GAB1: variants seen among roughly 807,000 people sequenced by gnomAD.
GAB1 encodes the protein GRB2-associated-binding protein 1.
Under a neutral mutation model 66.5 loss-of-function variants are expected in GAB1, and 19 were observed. The observed-to-expected ratio is 0.29, with a 90% CI of 0.20 to 0.42. The LOEUF is 0.42. Ranked by LOEUF, GAB1 falls within the 10% of genes least tolerant of loss-of-function variation. The pLI is 1.00. For missense variants in GAB1, 732 were observed against 858.5 expected (o/e 0.85, Z 1.84); for synonymous variants, 294 against 301.4 (o/e 0.98, Z 0.25).
At chr4:143,356,828 T>C (rs986440816) in intron 1 of GAB1, among the ~76,000 whole-genome samples, 2 of 152,166 alleles carry the variant, frequency 1.3e-5, no homozygotes, top group Non-Finnish European at 2.9e-5. Context: ...GTGCAGAGAT[T>C]TGAGCTTGTA....
At chr4:143,451,050 G>A (rs1450527881) in intron 6 of GAB1, among the ~76,000 whole-genome samples, 1 of 152,134 alleles carries the variant, frequency 6.6e-6, no homozygotes, top group Non-Finnish European at 1.5e-5. Flanking sequence ...CCCTGAAGAA[G>A]CTCACCGTCC....
chr4:143,467,212 T>C (rs549507648), intron 9 of GAB1, among the ~76,000 whole-genome samples: 13 of 152,366 alleles, frequency 8.5e-5, no homozygotes, highest in African/African-American at 3.1e-4. Flanking sequence ...ACTATCCCAC[T>C]ACTGTCTTGC....
In GAB1 at chr4:143,470,812, A is replaced by G. The variant is rs1001538756; in HGVS notation, c.*1623A>G. 2 of 152,240 alleles carry G rather than the reference A, an allele frequency of 1.3e-5. No individual in the cohort carries two copies. Among genetic ancestry groups the G allele is most frequent in the Non-Finnish European group, 2.9e-5 (2 of 68,046 alleles). 9.4% of individuals were successfully genotyped at this position (152,240 alleles called of 1,614,324 possible). The stretch of plus-strand genomic sequence containing the variant: ...TTGGCCATAGTACTGTGCCTAATCA[A>G]TGTAATAGGTTTATTTTCCCAATCC... On this transcript the variant is annotated 3_prime_UTR_variant, in exon 10 of 10. Transcript: ENST00000262994.
At chr4:143,342,751 T>G (rs1331330154) in intron 1 of GAB1, among the ~76,000 whole-genome samples, 2 of 151,438 alleles carry the variant, frequency 1.3e-5, no homozygotes, top group Non-Finnish European at 2.9e-5. Context: ...TTAGTAGAGA[T>G]GGGGTTTTGC....
chr4:143,451,210 T>C (rs1388070553), intron 6 of GAB1, among the ~76,000 whole-genome samples: 2 of 152,026 alleles, frequency 1.3e-5, no homozygotes, highest in Non-Finnish European at 2.9e-5. Flanking sequence ...TGAGTGGCAA[T>C]TAAATGATGG....
chr4:143,345,292 T>C (rs1728952231), intron 1 of GAB1, among the ~76,000 whole-genome samples: 1 of 152,182 alleles, frequency 6.6e-6, no homozygotes, highest in Non-Finnish European at 1.5e-5. Flanking sequence ...GGTGGTTTTC[T>C]TTTCTCCCAG....
intron 3 of GAB1, 100 bp downstream of exon 3, chr4:143,433,816 G>T: frequency 1.1e-6 from 1 of 926,390 alleles, no homozygotes; most frequent in Non-Finnish European, 1.7e-6. Context: ...CGATTTGCAG[G>T]CTTGAAAGAG....
intron 1 of GAB1, among the ~76,000 whole-genome samples, chr4:143,405,465 G>A (rs1731996786): frequency 6.6e-6 from 1 of 152,042 alleles, no homozygotes. Context: ...AGAGTTTATG[G>A]CTGAATTCTT....
intron 1 of GAB1, among the ~76,000 whole-genome samples, chr4:143,407,603 C>CT: frequency 6.6e-6 from 1 of 152,188 alleles, no homozygotes; most frequent in African/African-American, 2.4e-5. Context: ...CTAAAGTTAG[C>CT]TCGGATAGCA....
intron 1 of GAB1, among the ~76,000 whole-genome samples, chr4:143,357,398 C>T (rs1045048195): frequency 2.0e-5 from 3 of 152,106 alleles, no homozygotes; most frequent in Admixed American, 2.0e-4. Flanking sequence ...GGGAGGAGTC[C>T]ATTGGAACCA....
At chr4:143,420,001 A>G (rs1732929900) in intron 2 of GAB1, among the ~76,000 whole-genome samples, 1 of 152,144 alleles carries the variant, frequency 6.6e-6, no homozygotes. Flanking sequence ...ATCCTTTGTA[A>G]TCATATTCAT....
chr4:143,361,325 G>A (rs1012844377), intron 1 of GAB1, among the ~76,000 whole-genome samples: 1 of 152,124 alleles, frequency 6.6e-6, no homozygotes, highest in African/African-American at 2.4e-5. Flanking sequence ...AGAAATGCTA[G>A]TAACATCTTG....
chr4:143,411,341 C>G (rs1316694931), intron 1 of GAB1, among the ~76,000 whole-genome samples: 1 of 152,190 alleles, frequency 6.6e-6, no homozygotes, highest in Admixed American at 6.5e-5. Context: ...ATTGGAGTGA[C>G]TATTGCATAT....
intron 1 of GAB1, among the ~76,000 whole-genome samples, chr4:143,392,067 G>A (rs1385305934): frequency 2.0e-5 from 3 of 152,166 alleles, no homozygotes; most frequent in African/African-American, 7.2e-5. Context: ...GCTTTTGTGT[G>A]CAAGTAATGC....
At chr4:143,387,286 C>T (rs941258631) in intron 1 of GAB1, among the ~76,000 whole-genome samples, 2 of 152,206 alleles carry the variant, frequency 1.3e-5, no homozygotes, top group Non-Finnish European at 2.9e-5. Flanking sequence ...CATGCGCCAC[C>T]ACGCCCGGCT....
rs201128149 is a variant in GAB1, at chr4:143,458,832, G to GT, written c.1586-549dup. Among the ~76,000 whole-genome samples, 837 of 151,828 alleles carry GT rather than the reference G, an allele frequency of 5.5e-3. 5 individuals are homozygous for GT. The highest frequency in any genetic ancestry group is 9.9e-3 in the Admixed American group (151 of 15,250). The stretch of plus-strand genomic sequence containing the variant: ...GATCTAAAGATACAAATATTGTTTC[G>GT]TTTTGTTTGTTTCCAGACTGTGCAT... On this transcript the variant is annotated intron_variant, in intron 6 of 9. Transcript: ENST00000262994.
rs976998323 is a variant in GAB1, at chr4:143,469,011, G to T, written c.1927-20G>T. Reference sequence around the variant, plus strand: ...CACTCCTTTATATGTTGGACTTTTTGTTTTTTCTTTGTGTTTTAGCAAAAG... The same window carrying T: ...CACTCCTTTATATGTTGGACTTTTTTTTTTTTCTTTGTGTTTTAGCAAAAG... On this transcript the variant is annotated intron_variant, in intron 9 of 9. Transcript: ENST00000262994. 1 of 1,611,258 alleles carries T rather than the reference G, an allele frequency of 6.2e-7. No homozygotes were observed. The highest frequency in any genetic ancestry group is 1.3e-5 in the African/African-American group (1 of 74,710).
At chr4:143,467,685 T>G (rs1022292622) in intron 9 of GAB1, among the ~76,000 whole-genome samples, 1 of 152,202 alleles carries the variant, frequency 6.6e-6, no homozygotes, top group African/African-American at 2.4e-5. Flanking sequence ...TTCTATAAAC[T>G]ATTTGTATTT....
intron 1 of GAB1, among the ~76,000 whole-genome samples, chr4:143,408,886 C>T (rs1732209483): frequency 6.6e-6 from 1 of 152,154 alleles, no homozygotes. Flanking sequence ...CACACTTTCT[C>T]AGGAAAAGAG....
Sources: allele counts gnomAD v4.1 joint callset (sites outside exome capture counted in the v4.1 genomes callset), GRCh38; gene constraint gnomAD v4.1.1; transcripts MANE v1.5; gene names NCBI Gene and HGNC (gene_info 2026-07-23, HGNC 2026-07-21).